The following DSCAM variants were observed in gnomAD, a reference collection of about 807,000 sequenced individuals.
DSCAM encodes cell adhesion molecule DSCAM.
In DSCAM, 47 loss-of-function variants were observed where a neutral mutation model predicts 217.7. The ratio of observed to expected loss-of-function variants is 0.22; its 90% confidence interval spans 0.17 to 0.28. The LOEUF (loss-of-function observed/expected upper bound fraction) is 0.28. DSCAM is among the 10% of genes least tolerant of loss of function. DSCAM has a pLI of 1.00. For missense variants in DSCAM, 2,080 were observed against 2,618.3 expected, an observed-to-expected ratio of 0.79 and a Z score of 4.49; for synonymous variants, 1,056 against 1,015.3, an observed-to-expected ratio of 1.04 and a Z score of -0.76.
At chr21:40,535,905 G>T (rs796524337) in intron 3 of DSCAM, among the ~76,000 whole-genome samples, 1 of 147,418 alleles carries the variant, frequency 6.8e-6, no homozygotes, top group African/African-American at 2.6e-5. Context: ...CATGGATCAT[G>T]ATTTGGGAGA....
intron 1 of DSCAM, among the ~76,000 whole-genome samples, chr21:40,788,478 G>T (rs1217647392): frequency 6.6e-6 from 1 of 152,146 alleles, no homozygotes; most frequent in East Asian, 1.9e-4. Context: ...GGGAACATAA[G>T]CATGGCCTCC....
chr21:40,444,018 G>C (rs1306499923), intron 3 of DSCAM, among the ~76,000 whole-genome samples: 1 of 152,148 alleles, frequency 6.6e-6, no homozygotes, highest in Non-Finnish European at 1.5e-5. Flanking sequence ...ATTTCCTTAA[G>C]ACAAGGAATA....
intron 10 of DSCAM, among the ~76,000 whole-genome samples, chr21:40,278,457 C>T (rs2073718009): frequency 6.6e-6 from 1 of 152,098 alleles, no homozygotes; most frequent in Non-Finnish European, 1.5e-5. Context: ...TATTGGCAGG[C>T]CATGACAGCT....
chr21:40,523,352 G>T (rs1031553478), intron 3 of DSCAM, among the ~76,000 whole-genome samples: 1 of 152,164 alleles, frequency 6.6e-6, no homozygotes, highest in Non-Finnish European at 1.5e-5. Context: ...ACTCTAGCGG[G>T]CACGCACACA....
At position 40,218,314 on chromosome 21, in the gene DSCAM, C is replaced by T. The variant is rs2091261594; in HGVS notation, c.2357-29076G>A. Among the ~76,000 whole-genome samples, 5 of 151,972 alleles carry T rather than the reference C, an allele frequency of 3.3e-5. 1 individual carries two copies. The South Asian group carries it at 1.0e-3, about 32-fold the overall frequency. ...GCTAAGATGATTGTAGATGTGTGACCTTATTTCTGGGCTCTCTATTGTGTT... is the reference window on the plus strand; with the variant it reads ...GCTAAGATGATTGTAGATGTGTGACTTTATTTCTGGGCTCTCTATTGTGTT... On this transcript the variant is annotated intron_variant, in intron 11 of 32. Coordinates refer to ENST00000400454, the MANE Select transcript of DSCAM (RefSeq NM_001389.5).
chr21:40,357,474 A>G (rs1457900968), intron 4 of DSCAM, among the ~76,000 whole-genome samples: 1 of 152,232 alleles, frequency 6.6e-6, no homozygotes, highest in Admixed American at 6.5e-5. Flanking sequence ...GCCTAAAGCC[A>G]GCTCCAGAAA....
chr21:40,499,144 C>T (rs1174184783), intron 3 of DSCAM, among the ~76,000 whole-genome samples: 1 of 151,964 alleles, frequency 6.6e-6, no homozygotes, highest in Non-Finnish European at 1.5e-5. Context: ...AAACAGACTA[C>T]TTTGAAATAA....
chr21:40,736,880 C>G (rs984076984), intron 1 of DSCAM, among the ~76,000 whole-genome samples: 6 of 152,014 alleles, frequency 3.9e-5, no homozygotes, highest in Admixed American at 2.0e-4. Context: ...AATTATATAA[C>G]TACTCCACAA....
At chr21:40,449,150 G>A (rs1287525430) in intron 3 of DSCAM, among the ~76,000 whole-genome samples, 3 of 152,118 alleles carry the variant, frequency 2.0e-5, no homozygotes, top group African/African-American at 7.2e-5. Context: ...TCTGAAAAAG[G>A]TCTTCTGCCT....
intron 3 of DSCAM, among the ~76,000 whole-genome samples, chr21:40,495,867 GA>G (rs1289520476): frequency 6.6e-6 from 1 of 151,918 alleles, no homozygotes; most frequent in Non-Finnish European, 1.5e-5. Flanking sequence ...AAAAGTAGTA[GA>G]ATATTTATAC....
chr21:40,245,340 A>C (rs1049357982), intron 11 of DSCAM, among the ~76,000 whole-genome samples: 5 of 152,202 alleles, frequency 3.3e-5, no homozygotes, highest in African/African-American at 1.2e-4. Context: ...TATCCTAACA[A>C]GGGCAAGTCC....
At chr21:40,305,450 T>C (rs2074062991) in intron 9 of DSCAM, among the ~76,000 whole-genome samples, 1 of 151,498 alleles carries the variant, frequency 6.6e-6, no homozygotes, top group Non-Finnish European at 1.5e-5. Context: ...TTTAATTAGA[T>C]CCCATTTGTC....
At chr21:40,425,235 T>G (rs940482558) in intron 3 of DSCAM, among the ~76,000 whole-genome samples, 9 of 151,318 alleles carry the variant, frequency 5.9e-5, no homozygotes, top group African/African-American at 1.9e-4. Flanking sequence ...AGATTAAAAT[T>G]CTCTTCCCGG....
intron 3 of DSCAM, among the ~76,000 whole-genome samples, chr21:40,588,534 C>A (rs1313637790): frequency 6.6e-6 from 1 of 152,158 alleles, no homozygotes; most frequent in Non-Finnish European, 1.5e-5. Flanking sequence ...TTTAGAGCAA[C>A]AGACTCTCCT....
chr21:40,612,585 G>A (rs1022329997), intron 3 of DSCAM, among the ~76,000 whole-genome samples: 1 of 152,288 alleles, frequency 6.6e-6, no homozygotes, highest in East Asian at 1.9e-4. Flanking sequence ...TGGAGCAGAC[G>A]GGAGTTGCTC....
chr21:40,633,225 A>T (rs1466937535), intron 3 of DSCAM, among the ~76,000 whole-genome samples: 1 of 152,176 alleles, frequency 6.6e-6, no homozygotes, highest in African/African-American at 2.4e-5. Context: ...GGAAGCAGAG[A>T]GTGGCAGTCT....
intron 3 of DSCAM, among the ~76,000 whole-genome samples, chr21:40,488,626 G>A (rs534338407): frequency 4.6e-5 from 7 of 152,240 alleles, no homozygotes; most frequent in East Asian, 3.9e-4. Flanking sequence ...CACTAAAGAC[G>A]CCACTGTGAC....
chr21:40,353,771 G>T lies in DSCAM; in HGVS notation c.656-28C>A, dbSNP rs758195958. 9.4e-6 allele frequency: 14 copies of T among 1,494,382 alleles called. No homozygotes were observed. The South Asian group carries it at 1.4e-4, about 15-fold the overall frequency. 92.6% of individuals were successfully genotyped at this position (1,494,382 alleles called of 1,614,324 possible). A position where few individuals can be genotyped will look rare whatever the true frequency, so the allele number is the denominator to read the frequency against. On this transcript the variant is annotated intron_variant, in intron 4 of 32. Coordinates refer to ENST00000400454, the MANE Select transcript of DSCAM (RefSeq NM_001389.5). ...GTAGAAGAAATAAAAACTCTTAGAGGCAGGAATGAGGAGTTGAAGTGGTCA... is the reference window on the plus strand; with the variant it reads ...GTAGAAGAAATAAAAACTCTTAGAGTCAGGAATGAGGAGTTGAAGTGGTCA...
intron 1 of DSCAM, among the ~76,000 whole-genome samples, chr21:40,731,737 C>G (rs1018842224): frequency 3.1e-4 from 40 of 131,038 alleles, no homozygotes; most frequent in African/African-American, 7.0e-4. Flanking sequence ...CACCCCCCCC[C>G]CCGCCCCCCG....
Sources: allele counts gnomAD v4.1 joint callset (sites outside exome capture counted in the v4.1 genomes callset), GRCh38; gene constraint gnomAD v4.1.1; transcripts MANE v1.5; gene names NCBI Gene and HGNC (gene_info 2026-07-23, HGNC 2026-07-21).